The following KHDRBS2 variants were observed in gnomAD, a reference collection of about 807,000 sequenced individuals.
KHDRBS2 encodes the protein KH RNA binding domain containing, signal transduction associated 2, also known as KH domain-containing, RNA-binding, signal transduction-associated protein 2.
KHDRBS2 carries 26 observed loss-of-function variants against 44.3 expected under a neutral mutation model. The ratio of observed to expected loss-of-function variants is 0.59; its 90% CI spans 0.43 to 0.81. The LOEUF (loss-of-function observed/expected upper bound fraction) is 0.81, where lower values mean the gene tolerates loss of function less well. KHDRBS2 is among the 40% of genes least tolerant of loss of function. The probability of loss-of-function intolerance (pLI) is 0.00; values close to 1 mark genes in which losing one functional copy is unlikely to be tolerated. For missense variants in KHDRBS2, 476 were observed against 433.1 expected, an observed-to-expected ratio of 1.10 and a Z score of -0.88; for synonymous variants, 194 against 151.1, an observed-to-expected ratio of 1.28 and a Z score of -2.08.
intron 1 of KHDRBS2, among the ~76,000 whole-genome samples, chr6:62,246,958 A>G (rs999819357): frequency 2.6e-5 from 4 of 152,130 alleles, no homozygotes; most frequent in African/African-American, 9.6e-5. Context: ...GCCAAAAGAT[A>G]TGTTTGAAAG....
chr6:61,626,908 T>C, the KHDRBS2 span, among the ~76,000 whole-genome samples: 4 of 152,232 alleles, frequency 2.6e-5, no homozygotes, highest in South Asian at 2.1e-4. Context: ...TGCTGGAGTT[T>C]CCACCTGAAA....
intron 4 of KHDRBS2, among the ~76,000 whole-genome samples, chr6:61,910,402 T>C (rs529722913): frequency 3.9e-5 from 6 of 152,334 alleles, no homozygotes; most frequent in Non-Finnish European, 8.8e-5. Context: ...TTTATAAAAC[T>C]TATTCATCAA....
At chr6:62,128,232 A>G (rs1180110088) in intron 2 of KHDRBS2, among the ~76,000 whole-genome samples, 1 of 152,104 alleles carries the variant, frequency 6.6e-6, no homozygotes, top group African/African-American at 2.4e-5. Flanking sequence ...CTATAGAATT[A>G]TGGGCCTATG....
intron 6 of KHDRBS2, among the ~76,000 whole-genome samples, chr6:61,825,748 C>A (rs2127256614): frequency 6.6e-6 from 1 of 152,154 alleles, no homozygotes; most frequent in East Asian, 1.9e-4. Flanking sequence ...GGTAGCTCCA[C>A]CATCTGTTGT....
chr6:62,217,649 A>G (rs1368939594), intron 1 of KHDRBS2, among the ~76,000 whole-genome samples: 1 of 151,850 alleles, frequency 6.6e-6, no homozygotes, highest in Non-Finnish European at 1.5e-5. Context: ...AAAATGATCA[A>G]CTGATGTCTT....
chr6:62,137,720 T>C (rs1292781116), intron 2 of KHDRBS2, among the ~76,000 whole-genome samples: 1 of 152,180 alleles, frequency 6.6e-6, no homozygotes, highest in Non-Finnish European at 1.5e-5. Flanking sequence ...AAATGTTGTC[T>C]ACTAATTTCC....
intron 4 of KHDRBS2, among the ~76,000 whole-genome samples, chr6:61,960,777 G>A (rs1768506477): frequency 6.6e-6 from 1 of 152,006 alleles, no homozygotes; most frequent in South Asian, 2.1e-4. Flanking sequence ...GTACATTTGA[G>A]AACAAATTTT....
intron 1 of KHDRBS2, among the ~76,000 whole-genome samples, chr6:62,232,791 T>C (rs1365190138): frequency 1.3e-5 from 2 of 152,112 alleles, no homozygotes; most frequent in African/African-American, 2.4e-5. Flanking sequence ...AGTAACAAAA[T>C]ACACACTCAA....
At chr6:62,185,087 A>G (rs1218159234) in intron 1 of KHDRBS2, among the ~76,000 whole-genome samples, 1 of 151,876 alleles carries the variant, frequency 6.6e-6, no homozygotes, top group African/African-American at 2.4e-5. Context: ...AATCTTTCAA[A>G]TGATGTTATT....
At chr6:61,796,298 A>G (rs1240344376) in intron 6 of KHDRBS2, among the ~76,000 whole-genome samples, 2 of 152,002 alleles carry the variant, frequency 1.3e-5, no homozygotes, top group African/African-American at 4.8e-5. Context: ...TTCTTGGCAG[A>G]TCCTGAAGAT....
At chr6:62,106,742 C>T (rs145604225) in intron 2 of KHDRBS2, among the ~76,000 whole-genome samples, 3,346 of 152,210 alleles carry the variant, frequency 0.022, 132 homozygotes, top group African/African-American at 0.075. Context: ...AGCTTATCCA[C>T]CATGGTCAAG....
chr6:61,661,531 G>A, the KHDRBS2 span, among the ~76,000 whole-genome samples: 2 of 151,824 alleles, frequency 1.3e-5, no homozygotes, highest in African/African-American at 4.8e-5. Context: ...CCAACCTTTT[G>A]TATTTAAGGG....
chr6:61,813,589 T>C (rs1231751586), intron 6 of KHDRBS2, among the ~76,000 whole-genome samples: 6 of 152,192 alleles, frequency 3.9e-5, no homozygotes, highest in Admixed American at 1.3e-4. Context: ...TGCATGTCAT[T>C]TGCAGGATAG....
chr6:62,105,998 A>G (rs1803169450), intron 2 of KHDRBS2, among the ~76,000 whole-genome samples: 1 of 152,172 alleles, frequency 6.6e-6, no homozygotes. Context: ...CGTTGGTTTC[A>G]AAGAATATCT....
In KHDRBS2 at chr6:61,993,673, A is replaced by ATATATT. The variant is rs1425839225; in HGVS notation, c.337-15462_337-15461insAATATA. Among the ~76,000 whole-genome samples the ATATATT allele has an allele frequency of 3.6e-3, 414 of 115,648 alleles. 1 individual carries two copies. The highest frequency in any genetic ancestry group is 0.012 in the African/African-American group (374 of 30,942). The allele number at this position is 115,648 out of a possible 152,430, so 75.9% of individuals were successfully genotyped here. A position where few individuals can be genotyped will look rare whatever the true frequency, so the allele number is the denominator to read the frequency against. On this transcript the variant is annotated intron_variant, in intron 3 of 8. Coordinates refer to ENST00000281156, the MANE Select transcript of KHDRBS2 (RefSeq NM_152688.4). ...ATCATATATATATATATATATATAT[A>ATATATT]TTTTTTTTTTTTGATGTGAGCTTAT...
chr6:61,727,895 C>A (rs529808378), intron 7 of KHDRBS2, among the ~76,000 whole-genome samples: 2 of 152,036 alleles, frequency 1.3e-5, no homozygotes, highest in Non-Finnish European at 2.9e-5. Flanking sequence ...AGCAGAAATA[C>A]CCTTTGACCC....
intron 6 of KHDRBS2, among the ~76,000 whole-genome samples, chr6:61,798,003 A>G (rs1253087628): frequency 6.6e-6 from 1 of 151,676 alleles, no homozygotes; most frequent in African/African-American, 2.4e-5. Context: ...TAGTTTTTCA[A>G]CCCTCACCCT....
chr6:62,185,794 C>T (rs890406799), intron 1 of KHDRBS2, among the ~76,000 whole-genome samples: 1 of 151,918 alleles, frequency 6.6e-6, no homozygotes, highest in Non-Finnish European at 1.5e-5. Context: ...AAATTATAAC[C>T]ACTTCAAGGC....
At chr6:61,698,673 A>G (rs904268371) in intron 7 of KHDRBS2, among the ~76,000 whole-genome samples, 7 of 151,870 alleles carry the variant, frequency 4.6e-5, no homozygotes, top group Non-Finnish European at 1.0e-4. Context: ...TGCTTACACC[A>G]TTTGTCCCCC....
Sources: allele counts gnomAD v4.1 joint callset (sites outside exome capture counted in the v4.1 genomes callset), GRCh38; gene constraint gnomAD v4.1.1; transcripts MANE v1.5; gene names NCBI Gene and HGNC (gene_info 2026-07-23, HGNC 2026-07-21).